Variants in CHCHD6 observed in about 807,000 individuals in gnomAD.
CHCHD6 encodes coiled-coil-helix-coiled-coil-helix domain containing 6.
In CHCHD6, 28 loss-of-function variants were observed where a neutral mutation model predicts 32.3. The ratio of observed to expected loss-of-function variants is 0.87; its 90% CI spans 0.64 to 1.19. The LOEUF (loss-of-function observed/expected upper bound fraction) is 1.19, where lower values mean the gene tolerates loss of function less well. Among genes scored for constraint, CHCHD6 ranks in the 50% most tolerant of loss-of-function variants. CHCHD6 has a pLI of 0.00. For missense variants in CHCHD6, 333 were observed against 307.0 expected, an observed-to-expected ratio of 1.08 and a Z score of -0.63; for synonymous variants, 122 against 117.5, an observed-to-expected ratio of 1.04 and a Z score of -0.25.
At chr3:126,713,260 T>C (rs79479337) in intron 1 of CHCHD6, among the ~76,000 whole-genome samples, 3,706 of 152,308 alleles carry the variant, frequency 0.024, 114 homozygotes, top group East Asian at 0.15. Context: ...GGGGAAAAGC[T>C]TGTCTCCCTT....
At chr3:126,931,177 C>T (rs951689603) in intron 6 of CHCHD6, among the ~76,000 whole-genome samples, 29 of 152,222 alleles carry the variant, frequency 1.9e-4, no homozygotes, top group African/African-American at 6.8e-4. Context: ...CCTGACTGGC[C>T]GCACCCCTGG....
chr3:126,718,199 T>C (rs1411634599), intron 1 of CHCHD6, among the ~76,000 whole-genome samples: 1 of 152,210 alleles, frequency 6.6e-6, no homozygotes, highest in Non-Finnish European at 1.5e-5. Context: ...CTTAGAACAG[T>C]GCTGATGGTC....
chr3:126,926,716 C>A (rs867737926), intron 6 of CHCHD6, among the ~76,000 whole-genome samples: 9 of 152,138 alleles, frequency 5.9e-5, no homozygotes, highest in Admixed American at 5.2e-4. Flanking sequence ...CGAGATTCAT[C>A]CTGCAGGCAG....
intron 1 of CHCHD6, among the ~76,000 whole-genome samples, chr3:126,724,867 T>C (rs1935461153): frequency 6.6e-6 from 1 of 152,206 alleles, no homozygotes. Context: ...CAACTCCTCA[T>C]CTGTTCAAAT....
chr3:126,946,241 C>T (rs1047173928), intron 6 of CHCHD6, among the ~76,000 whole-genome samples: 4 of 152,210 alleles, frequency 2.6e-5, no homozygotes. Flanking sequence ...CCTTTCCTTC[C>T]GCCTTGCCAA....
chr3:126,857,793 C>T (rs905378766), intron 5 of CHCHD6, among the ~76,000 whole-genome samples: 1 of 152,226 alleles, frequency 6.6e-6, no homozygotes, highest in African/African-American at 2.4e-5. Flanking sequence ...GTGGAAAAGA[C>T]AGGCAGCTCC....
intron 6 of CHCHD6, among the ~76,000 whole-genome samples, chr3:126,921,862 A>G (rs566190890): frequency 6.6e-6 from 1 of 152,292 alleles, no homozygotes; most frequent in South Asian, 2.1e-4. Flanking sequence ...CCCAGTTTGT[A>G]TTTATTTAGT....
chr3:126,805,368 T>C (rs1439197507), intron 4 of CHCHD6, among the ~76,000 whole-genome samples: 2 of 152,112 alleles, frequency 1.3e-5, no homozygotes, highest in South Asian at 2.1e-4. Context: ...GGATACAAAA[T>C]CAATGTGCAA....
chr3:126,881,656 G>A lies in CHCHD6; in HGVS notation c.495+28926G>A, dbSNP rs1164361323. ...CCCCAGAGTTAGTGCTGAGGGGATG[G>A]AAAGGAGCTTCTCGAAGGAGTCGGC... On this transcript the variant is annotated intron_variant, in intron 5 of 7. Coordinates refer to ENST00000290913, the MANE Select transcript of CHCHD6 (RefSeq NM_032343.3). Among the ~76,000 whole-genome samples the A allele has an allele frequency of 4.6e-5, 7 of 152,192 alleles. No homozygotes were observed. In the East Asian group the frequency reaches 1.3e-3, roughly 29 times the overall value.
chr3:126,923,765 C>G (rs1255414801), intron 6 of CHCHD6, among the ~76,000 whole-genome samples: 2 of 152,304 alleles, frequency 1.3e-5, no homozygotes, highest in Non-Finnish European at 2.9e-5. Context: ...TTTGTTAAGC[C>G]TCTAGGAAAG....
rs551775453 is a variant in CHCHD6 at position 126,734,888 on chromosome 3, C to T, written c.411+1666C>T. On this transcript the variant is annotated intron_variant, in intron 4 of 7. Transcript: ENST00000290913. ...TGAGGAGTTAACCCTCAAAGTAGCC[C>T]GCATCGATCCTGAAACAGTCAATGG... 3.9e-5 allele frequency among the ~76,000 whole-genome samples: 6 copies of T among 152,162 alleles called. No individual in the cohort carries two copies. The East Asian group carries it at 5.8e-4, about 15-fold the overall frequency.
At chr3:126,719,577 C>T (rs1424497585) in intron 1 of CHCHD6, among the ~76,000 whole-genome samples, 1 of 152,172 alleles carries the variant, frequency 6.6e-6, no homozygotes, top group Non-Finnish European at 1.5e-5. Flanking sequence ...TGTCTTTCAT[C>T]AGGCCATGTA....
chr3:126,748,058 A>C (rs996218797), intron 4 of CHCHD6, among the ~76,000 whole-genome samples: 1 of 151,512 alleles, frequency 6.6e-6, no homozygotes, highest in Non-Finnish European at 1.5e-5. Flanking sequence ...CTCCTCTTAA[A>C]AGGGGCCTCT....
At chr3:126,805,276 C>T (rs138198838) in intron 4 of CHCHD6, among the ~76,000 whole-genome samples, 19 of 152,212 alleles carry the variant, frequency 1.2e-4, no homozygotes, top group East Asian at 7.7e-4. Flanking sequence ...TGTTTGCAGA[C>T]GACATGATTG....
intron 5 of CHCHD6, among the ~76,000 whole-genome samples, chr3:126,912,912 T>C (rs1264301585): frequency 1.3e-5 from 2 of 152,144 alleles, no homozygotes; most frequent in Non-Finnish European, 2.9e-5. Flanking sequence ...TTACCTTCCC[T>C]GCAGAAGGCC....
intron 5 of CHCHD6, chr3:126,865,730 C>T: frequency 5.1e-6 from 5 of 985,294 alleles, no homozygotes; most frequent in Non-Finnish European, 4.8e-6. Flanking sequence ...ACTCTGCATA[C>T]TGCTTCTGGT....
chr3:126,718,248 A>C (rs188268054), intron 1 of CHCHD6, among the ~76,000 whole-genome samples: 1 of 152,198 alleles, frequency 6.6e-6, no homozygotes, highest in Non-Finnish European at 1.5e-5. Context: ...TGATCAACTC[A>C]TGTATTTTTA....
intron 5 of CHCHD6, among the ~76,000 whole-genome samples, chr3:126,853,562 A>G (rs1452898013): frequency 6.6e-6 from 1 of 152,174 alleles, no homozygotes; most frequent in East Asian, 1.9e-4. Context: ...GTGGCATGCC[A>G]CAGTGGAGGC....
intron 4 of CHCHD6, among the ~76,000 whole-genome samples, chr3:126,770,862 CCCT>C (rs1232646514): frequency 2.0e-5 from 3 of 152,134 alleles, no homozygotes; most frequent in Non-Finnish European, 2.9e-5. Flanking sequence ...GTGGAGAAGT[CCCT>C]CCTCCTCAAT....
Sources: gnomAD v4.1 joint callset for allele counts (sites outside exome capture counted in the v4.1 genomes callset) on GRCh38, gnomAD v4.1.1 for gene constraint, MANE v1.5 for transcripts, NCBI Gene and HGNC (gene_info 2026-07-23, HGNC 2026-07-21) for gene names.